Variants in IRAG1 observed in about 807,000 individuals in gnomAD.
IRAG1 encodes inositol 1,4,5-triphosphate receptor associated 1, also known as IP3R-associated cGMP kinase substrate.
A neutral mutation model predicts 106.2 loss-of-function variants in IRAG1; 62 were observed. The ratio of observed to expected loss-of-function variants is 0.58; its 90% CI spans 0.48 to 0.72. IRAG1 has a LOEUF of 0.72. Ranked by LOEUF, IRAG1 falls within the 30% of genes least tolerant of loss-of-function variation. IRAG1 has a pLI of 0.00. For missense variants in IRAG1, 1,064 were observed against 1,140.7 expected, an observed-to-expected ratio of 0.93 and a Z score of 0.97; for synonymous variants, 462 against 443.9, an observed-to-expected ratio of 1.04 and a Z score of -0.51.
At chr11:10,585,535 C>T (rs1344767824) in intron 18 of IRAG1, among the ~76,000 whole-genome samples, 1 of 151,628 alleles carries the variant, frequency 6.6e-6, no homozygotes, top group Non-Finnish European at 1.5e-5. Context: ...AACAGTAATA[C>T]CTTCTTGGGT....
At chr11:10,588,637 C>T (rs1344942587) in intron 18 of IRAG1, among the ~76,000 whole-genome samples, 1 of 152,236 alleles carries the variant, frequency 6.6e-6, no homozygotes, top group East Asian at 1.9e-4. Flanking sequence ...AGGCGTGAGC[C>T]ACTGCCCAGC....
rs1364737 is a variant in IRAG1 at position 10,577,662 on chromosome 11, C to T, written c.2496-1087G>A. ...AATGACCAAGCCATTGGCTGAGAAG[C>T]GGAGAGCTCAAATTTTGAGGTAGCA... On this transcript the variant is annotated intron_variant, in intron 20 of 20. Transcript: ENST00000423302. Among the ~76,000 whole-genome samples the T allele has an allele frequency of 5.7e-4, 87 of 152,232 alleles. 1 individual carries two copies. In the South Asian group the frequency reaches 0.015, roughly 27 times the overall value.
intron 15 of IRAG1, 87 bp downstream of exon 15, chr11:10,600,831 G>C (rs1452007732): frequency 1.3e-6 from 2 of 1,539,866 alleles, no homozygotes; most frequent in Non-Finnish European, 8.8e-7. Context: ...TAAGTCCTGG[G>C]GCTGTTCTGA....
rs566936389 is a variant in IRAG1 at position 10,656,233 on chromosome 11, G to A, written c.68-4051C>T. Among the ~76,000 whole-genome samples the A allele has an allele frequency of 2.0e-5, 3 of 152,294 alleles. No homozygotes were observed. The South Asian group carries it at 6.2e-4, about 32-fold the overall frequency. On this transcript the variant is annotated intron_variant, in intron 1 of 20. Coordinates refer to ENST00000423302, the MANE Select transcript of IRAG1 (RefSeq NM_130385.4). ...CTGTTCCTTCTTTAACCCATTTTCA[G>A]GGCCCTTCTTGCTGCCTCTCCAGTC...
intron 20 of IRAG1, among the ~76,000 whole-genome samples, chr11:10,577,526 CA>C (rs1286903900): frequency 2.6e-5 from 4 of 152,130 alleles, no homozygotes; most frequent in African/African-American, 9.7e-5. Context: ...ACCTCTAACC[CA>C]ATTTAAAAAA....
At chr11:10,617,168 G>T in intron 10 of IRAG1, 1 of 985,318 alleles carries the variant, frequency 1.0e-6, no homozygotes, top group Non-Finnish European at 1.2e-6. Flanking sequence ...TCAAAATCCA[G>T]GTCCAGATAG....
chr11:10,633,293 T>C (rs1405308154), intron 3 of IRAG1, among the ~76,000 whole-genome samples: 3 of 152,156 alleles, frequency 2.0e-5, no homozygotes, highest in Admixed American at 6.5e-5. Flanking sequence ...GCCAGGATGG[T>C]CTCGATCTCC....
At chr11:10,662,788 C>A (rs990383198) in intron 1 of IRAG1, among the ~76,000 whole-genome samples, 1 of 152,234 alleles carries the variant, frequency 6.6e-6, no homozygotes, top group African/African-American at 2.4e-5. Flanking sequence ...TTGATTCCTG[C>A]TCCAGCAAAG....
Position 10,601,075 on chromosome 11 carries a change from G to T in IRAG1, c.1876-16C>A, listed in dbSNP as rs760350953. 1.2e-6 allele frequency: 2 copies of T among 1,612,872 alleles called. No individual in the cohort carries two copies. The highest frequency in any genetic ancestry group is 1.7e-6 in the Non-Finnish European group (2 of 1,179,808). On this transcript the variant is annotated splice_polypyrimidine_tract_variant and intron_variant, in intron 14 of 20. Coordinates refer to ENST00000423302, the MANE Select transcript of IRAG1 (RefSeq NM_130385.4). ...TGCGCTTTTCCTGCGGGGAAGGAGC[G>T]CATGAGTGCATGAGGCCATTGGAGG...
intron 10 of IRAG1, 61 bp from the exon 11 acceptor site, chr11:10,609,912 G>A: frequency 6.5e-7 from 1 of 1,548,018 alleles, no homozygotes; most frequent in Admixed American, 1.8e-5. Context: ...ACTGTTGGCA[G>A]CTAGCTTCAG....
rs764514335 is a variant in IRAG1 at position 10,576,497 on chromosome 11, CATCATCCAG to C, written c.2565_2573del (p.Ile855_Met857del). On this transcript the variant is annotated inframe_deletion, in exon 21 of 21. Coordinates refer to ENST00000423302, the MANE Select transcript of IRAG1 (RefSeq NM_130385.4). ...CAGTCAAGACCAGCATCACTGCAGC[CATCATCCAG>C]ATCACTTGCCAGTGCTGACACAGTT... 1 of 1,614,024 alleles carries C rather than the reference CATCATCCAG, an allele frequency of 6.2e-7. No individual in the cohort carries two copies. The highest frequency in any genetic ancestry group is 1.7e-5 in the Admixed American group (1 of 60,026).
chr11:10,649,635 C>G (rs1454330920), intron 2 of IRAG1, among the ~76,000 whole-genome samples: 1 of 152,170 alleles, frequency 6.6e-6, no homozygotes, highest in Non-Finnish European at 1.5e-5. Flanking sequence ...GCTCCCGGCT[C>G]CCCTGAATTC....
chr11:10,684,641 A>AATAATC (rs1474342810), intron 1 of IRAG1, among the ~76,000 whole-genome samples: 2 of 148,030 alleles, frequency 1.4e-5, no homozygotes, highest in Admixed American at 6.8e-5. Context: ...TAATAATAAT[A>AATAATC]ATAATAAAGA....
In IRAG1 at chr11:10,628,677, G is replaced by A. The variant is rs1392109372; in HGVS notation, c.652+74C>T. On this transcript the variant is annotated intron_variant, in intron 6 of 20. Transcript: ENST00000423302. This position sits in a 1 kb window ranked among gnomAD's most constrained non-coding sequence, Gnocchi z 4.1. ...GGGAAGCCTGCAGGCTGGGAGGCAT[G>A]CTGATCTGTCCAGGCTGAGCTGCCA... The A allele has an allele frequency of 6.4e-6, 8 of 1,249,976 alleles. No homozygotes were observed. The highest frequency in any genetic ancestry group is 8.7e-6 in the Non-Finnish European group (8 of 920,306). The allele number at this position is 1,249,976 out of a possible 1,614,324, so 77.4% of individuals were successfully genotyped here. A position where few individuals can be genotyped will look rare whatever the true frequency, so the allele number is the denominator to read the frequency against.
intron 18 of IRAG1, among the ~76,000 whole-genome samples, chr11:10,582,416 G>A (rs1015820152): frequency 1.3e-5 from 2 of 151,308 alleles, no homozygotes; most frequent in Non-Finnish European, 2.9e-5. Context: ...GTAATGTGCT[G>A]GGGGCACATT....
chr11:10,591,616 A>T lies in IRAG1; in HGVS notation c.2176-4T>A. 1.9e-6 allele frequency: 3 copies of T among 1,588,274 alleles called. No homozygotes were observed. Among genetic ancestry groups the T allele is most frequent in the Non-Finnish European group, 2.6e-6 (3 of 1,167,060 alleles). On this transcript the variant is annotated splice_region_variant and splice_polypyrimidine_tract_variant and intron_variant, in intron 17 of 20. Coordinates refer to ENST00000423302, the MANE Select transcript of IRAG1 (RefSeq NM_130385.4). ...CTTTCCCATTGGGTGATTCCGACTG[A>T]GTGAAAAACAGAAGACAGAGAATTG...
intron 18 of IRAG1, among the ~76,000 whole-genome samples, chr11:10,584,564 T>TATATATATATATATATATAG (rs1449652121): frequency 4.4e-5 from 6 of 135,728 alleles, no homozygotes; most frequent in Non-Finnish European, 9.4e-5. Flanking sequence ...TATATATATA[T>TATATATATATATATATATAG]ATATATATAT....
intron 14 of IRAG1, among the ~76,000 whole-genome samples, chr11:10,601,732 G>C (rs1332207475): frequency 6.6e-6 from 1 of 152,236 alleles, no homozygotes; most frequent in Non-Finnish European, 1.5e-5. Context: ...TAAAGTAAGA[G>C]AGTAATATAA....
At chr11:10,639,074 C>A (rs750716955) in intron 2 of IRAG1, among the ~76,000 whole-genome samples, 1 of 152,118 alleles carries the variant, frequency 6.6e-6, no homozygotes, top group Non-Finnish European at 1.5e-5. Context: ...CATGCACCAC[C>A]ATGCCCAGCT....
Sources: allele counts gnomAD v4.1 joint callset (sites outside exome capture counted in the v4.1 genomes callset), GRCh38; gene constraint gnomAD v4.1.1; non-coding constraint Gnocchi (gnomAD v3.1); transcripts MANE v1.5; gene names NCBI Gene and HGNC (gene_info 2026-07-23, HGNC 2026-07-21).